The following EDIL3 variants were observed in gnomAD, a reference collection of about 807,000 sequenced individuals.
EDIL3 encodes the protein EGF like and discoidin domains 3, also known as EGF-like repeat and discoidin I-like domain-containing protein 3.
A neutral mutation model predicts 67.4 loss-of-function variants in EDIL3; 37 were observed. The ratio of observed to expected loss-of-function variants is 0.55; its 90% CI spans 0.42 to 0.72. The LOEUF (loss-of-function observed/expected upper bound fraction) is 0.72. EDIL3 is among the 30% of genes least tolerant of loss of function. The pLI, the probability that EDIL3 is intolerant of heterozygous loss-of-function variation, is 0.00. For synonymous variants in EDIL3, 195 were observed against 196.3 expected (o/e 0.99, Z 0.05); for missense variants, 527 against 586.3 (o/e 0.90, Z 1.04).
intron 3 of EDIL3, among the ~76,000 whole-genome samples, chr5:84,195,197 A>G (rs957273816): frequency 3.3e-5 from 5 of 151,916 alleles, no homozygotes; most frequent in Non-Finnish European, 7.4e-5. Context: ...TACCAATACA[A>G]TTTCTATTAT....
At chr5:84,012,148 G>A (rs950067007) in intron 9 of EDIL3, among the ~76,000 whole-genome samples, 1 of 152,152 alleles carries the variant, frequency 6.6e-6, no homozygotes, top group Non-Finnish European at 1.5e-5. Context: ...GCATAACAGG[G>A]AGGTGTCCTA....
At chr5:84,364,461 A>T (rs544845214) in intron 1 of EDIL3, among the ~76,000 whole-genome samples, 3 of 152,284 alleles carry the variant, frequency 2.0e-5, no homozygotes, top group African/African-American at 7.2e-5. Context: ...TTGTGTATAT[A>T]AACAATTGCA....
intron 9 of EDIL3, chr5:84,048,126 C>A (rs781266033): frequency 1.9e-5 from 6 of 311,986 alleles, no homozygotes; most frequent in Non-Finnish European, 3.1e-5. Flanking sequence ...CATTACTTGA[C>A]CTCTTTTAGA....
Position 84,305,739 on chromosome 5 carries a change from C to T in EDIL3, c.68-51527G>A, listed in dbSNP as rs966018761. Among the ~76,000 whole-genome samples the T allele has an allele frequency of 8.6e-5, 13 of 151,956 alleles. 1 individual carries two copies. The South Asian group carries it at 1.0e-3, about 12-fold the overall frequency. On this transcript the variant is annotated intron_variant, in intron 1 of 10. Transcript: ENST00000296591. ...TTAAAAATACAAAAAATTAGCCAGG[C>T]GTGGTGGCACGTGCCTGTAATCCCA...
chr5:84,179,731 A>G (rs1748982882), intron 4 of EDIL3, among the ~76,000 whole-genome samples: 1 of 152,194 alleles, frequency 6.6e-6, no homozygotes, highest in Non-Finnish European at 1.5e-5. Context: ...TCTCCCTGAC[A>G]GCTTAGAGTT....
At chr5:84,153,168 C>A (rs1346939006) in intron 4 of EDIL3, among the ~76,000 whole-genome samples, 1 of 152,160 alleles carries the variant, frequency 6.6e-6, no homozygotes, top group Non-Finnish European at 1.5e-5. Context: ...TTACTTTATA[C>A]TCCCTATAGA....
At chr5:83,992,343 T>A (rs1399601864) in intron 9 of EDIL3, among the ~76,000 whole-genome samples, 1 of 152,170 alleles carries the variant, frequency 6.6e-6, no homozygotes, top group Non-Finnish European at 1.5e-5. Context: ...AAGAAAATAC[T>A]GATCCAGCAA....
intron 5 of EDIL3, among the ~76,000 whole-genome samples, chr5:84,126,158 G>A (rs781041563): frequency 6.6e-6 from 1 of 151,952 alleles, no homozygotes; most frequent in Non-Finnish European, 1.5e-5. Flanking sequence ...CAATTTCATC[G>A]TCTGCTATTT....
In EDIL3 at chr5:84,140,089, T is replaced by C. The variant is rs184390032; in HGVS notation, c.356-2735A>G. Among the ~76,000 whole-genome samples the C allele has an allele frequency of 2.4e-3, 365 of 152,260 alleles. 3 individuals are homozygous for C. The highest frequency in any genetic ancestry group is 3.4e-3 in the Non-Finnish European group (231 of 67,996). On this transcript the variant is annotated intron_variant, in intron 4 of 10. Transcript: ENST00000296591. ...CAGGATGAGAAGGATTAAAGGGTAT[T>C]TCCTTCACCCTTCTACTTTAGAAGA...
intron 1 of EDIL3, among the ~76,000 whole-genome samples, chr5:84,274,175 T>C (rs577252255): frequency 1.3e-5 from 2 of 152,268 alleles, no homozygotes; most frequent in Non-Finnish European, 2.9e-5. Flanking sequence ...GGTGCAATCA[T>C]GGCTCACTGC....
intron 1 of EDIL3, among the ~76,000 whole-genome samples, chr5:84,305,918 A>AATAAATAAATAG (rs1373583712): frequency 1.2e-4 from 18 of 149,822 alleles, no homozygotes; most frequent in African/African-American, 4.5e-4. Flanking sequence ...TAAATAAATA[A>AATAAATAAATAG]ATAGATAGAT....
intron 5 of EDIL3, among the ~76,000 whole-genome samples, chr5:84,131,813 A>C (rs999314236): frequency 6.6e-6 from 1 of 152,188 alleles, no homozygotes; most frequent in Admixed American, 6.5e-5. Context: ...AAAAAGCAAT[A>C]ATTAAATATT....
chr5:84,274,149 C>G (rs562419322), intron 1 of EDIL3, among the ~76,000 whole-genome samples: 1 of 152,212 alleles, frequency 6.6e-6, no homozygotes, highest in East Asian at 1.9e-4. Context: ...CTCTGTCACC[C>G]AGGCTGGAGT....
At chr5:84,278,299 C>T (rs781201669) in intron 1 of EDIL3, among the ~76,000 whole-genome samples, 65 of 152,240 alleles carry the variant, frequency 4.3e-4, no homozygotes, top group Middle Eastern at 3.4e-3. Flanking sequence ...CTCCAAATTA[C>T]GTCATCTGTA....
rs1012563847 is a variant in EDIL3, at chr5:84,137,165, A to G, written c.469+76T>C. The G allele has an allele frequency of 7.0e-6, 7 of 1,001,018 alleles. 1 individual carries two copies. In the African/African-American group the frequency reaches 1.1e-4, roughly 15 times the overall value. The allele number at this position is 1,001,018 out of a possible 1,614,324, so 62.0% of individuals were successfully genotyped here. A position where few individuals can be genotyped will look rare whatever the true frequency, so the allele number is the denominator to read the frequency against. The stretch of plus-strand genomic sequence containing the variant: ...TACATAAAAATATATATGCATACAT[A>G]TATGTGTGTGTGTATACATACACAC... On this transcript the variant is annotated intron_variant, in intron 5 of 10. Transcript: ENST00000296591.
intron 6 of EDIL3, 103 bp from the exon 7 acceptor site, chr5:84,066,709 TAAC>T (rs1031167459): frequency 7.1e-7 from 1 of 1,404,062 alleles, no homozygotes; most frequent in East Asian, 2.5e-5. Flanking sequence ...AGATTAATAA[TAAC>T]ATAAAAAGCT....
chr5:83,988,832 C>A (rs1199042646), intron 9 of EDIL3, among the ~76,000 whole-genome samples: 8 of 152,042 alleles, frequency 5.3e-5, no homozygotes, highest in Non-Finnish European at 1.2e-4. Context: ...GATACCATTA[C>A]AAATCTCAAT....
intron 1 of EDIL3, among the ~76,000 whole-genome samples, chr5:84,371,048 A>ATT (rs1273048380): frequency 2.0e-5 from 3 of 152,040 alleles, no homozygotes; most frequent in African/African-American, 7.2e-5. Context: ...CATCAAGCTT[A>ATT]CAGTCTATTG....
At chr5:84,174,980 A>G (rs1461979447) in intron 4 of EDIL3, among the ~76,000 whole-genome samples, 6 of 152,188 alleles carry the variant, frequency 3.9e-5, no homozygotes, top group Admixed American at 3.9e-4. Flanking sequence ...CCTGATAGCA[A>G]TAACGTCTTA....
Sources: gnomAD v4.1 joint callset for allele counts (sites outside exome capture counted in the v4.1 genomes callset) on GRCh38, gnomAD v4.1.1 for gene constraint, MANE v1.5 for transcripts, NCBI Gene and HGNC (gene_info 2026-07-23, HGNC 2026-07-21) for gene names.